Variants in STK3 observed in about 807,000 individuals in gnomAD.
The protein encoded by STK3 is serine/threonine kinase 3, also known as serine/threonine-protein kinase 3.
Under a neutral mutation model 58.0 loss-of-function variants are expected in STK3, and 41 were observed. The observed-to-expected ratio is 0.71, with a 90% CI of 0.55 to 0.92. The LOEUF (loss-of-function observed/expected upper bound fraction) is 0.92. Ranked by LOEUF, STK3 falls within the 40% of genes least tolerant of loss-of-function variation. The pLI is 0.00. For missense variants in STK3, 479 were observed against 602.7 expected (o/e 0.79, Z 2.15); for synonymous variants, 170 against 191.0 (o/e 0.89, Z 0.91).
At chr8:98,655,993 C>T (rs1489323422) in intron 6 of STK3, among the ~76,000 whole-genome samples, 1 of 152,028 alleles carries the variant, frequency 6.6e-6, no homozygotes, top group Non-Finnish European at 1.5e-5. Flanking sequence ...GGGTATATAC[C>T]CAAAGGACTA....
rs374874219 is a variant in STK3 at position 98,527,626 on chromosome 8, A to G, written c.1142-709T>C. On this transcript the variant is annotated intron_variant, in intron 9 of 10. Transcript: ENST00000419617. Reference sequence around the variant, plus strand: ...CAGAGCAAGACCCTGTTCAAATTAAAAAATATATATATATGAAATACATAA... The same window carrying G: ...CAGAGCAAGACCCTGTTCAAATTAAGAAATATATATATATGAAATACATAA... 2.6e-5 allele frequency among the ~76,000 whole-genome samples: 4 copies of G among 152,122 alleles called. No individual in the cohort carries two copies. The East Asian group carries it at 5.8e-4, about 22-fold the overall frequency.
chr8:98,378,033 C>T (rs1817692647), intron 2 of STK3, among the ~76,000 whole-genome samples: 1 of 152,190 alleles, frequency 6.6e-6, no homozygotes, highest in South Asian at 2.1e-4. Flanking sequence ...GTGCCACATA[C>T]AGTCATATCT....
the STK3 span, among the ~76,000 whole-genome samples, chr8:98,348,253 T>C: frequency 2.0e-5 from 3 of 152,184 alleles, no homozygotes; most frequent in Non-Finnish European, 4.4e-5. Context: ...TCACAAACAG[T>C]AGCTCAAAAT....
intron 6 of STK3, among the ~76,000 whole-genome samples, chr8:98,614,686 G>A (rs1410814458): frequency 6.6e-6 from 1 of 152,228 alleles, no homozygotes; most frequent in Non-Finnish European, 1.5e-5. Flanking sequence ...CCGAGTCAAA[G>A]AAAGGGGTGA....
downstream of STK3, among the ~76,000 whole-genome samples, chr8:98,400,330 C>A (rs1817930688): frequency 6.6e-6 from 1 of 152,250 alleles, no homozygotes; most frequent in Non-Finnish European, 1.5e-5. Context: ...AACAGATTCC[C>A]AGGCCCCAAG....
chr8:98,379,804 C>A (rs1817713367), intron 1 of STK3, among the ~76,000 whole-genome samples: 3 of 152,144 alleles, frequency 2.0e-5, no homozygotes, highest in Admixed American at 1.3e-4. Flanking sequence ...GGGTATTTAT[C>A]CAAAAGAATT....
At chr8:98,656,398 A>G (rs1821527712) in intron 6 of STK3, among the ~76,000 whole-genome samples, 1 of 152,086 alleles carries the variant, frequency 6.6e-6, no homozygotes, top group African/African-American at 2.4e-5. Flanking sequence ...TGACGAGTTA[A>G]TGGGTGCAGC....
intron 10 of STK3, among the ~76,000 whole-genome samples, chr8:98,506,777 T>G (rs1488380948): frequency 6.6e-6 from 1 of 152,134 alleles, no homozygotes. Flanking sequence ...CTCCAGATAC[T>G]GAAAAGTAAA....
At chr8:98,702,122 G>T (rs1260978703) in intron 6 of STK3, among the ~76,000 whole-genome samples, 1 of 152,102 alleles carries the variant, frequency 6.6e-6, no homozygotes, top group Non-Finnish European at 1.5e-5. Flanking sequence ...AAAGTTGTAT[G>T]GAAACTAACA....
intron 1 of STK3, among the ~76,000 whole-genome samples, chr8:98,812,803 G>T (rs147327499): frequency 3.3e-5 from 5 of 152,282 alleles, no homozygotes; most frequent in Admixed American, 6.5e-5. Context: ...AGCAAACACC[G>T]CATGTTCTCA....
chr8:98,353,281 C>T, the STK3 span, among the ~76,000 whole-genome samples: 1 of 152,010 alleles, frequency 6.6e-6, no homozygotes, highest in Non-Finnish European at 1.5e-5. Context: ...CAAGATCAAC[C>T]TGGGCAACAT....
chr8:98,854,290 C>G (rs545778106), intron 3 of STK3, among the ~76,000 whole-genome samples: 2 of 152,124 alleles, frequency 1.3e-5, no homozygotes, highest in South Asian at 4.2e-4. Flanking sequence ...AGGTGCCCAC[C>G]ACAATGTCCA....
At chr8:98,605,294 G>C (rs1437416481) in intron 6 of STK3, among the ~76,000 whole-genome samples, 1 of 152,184 alleles carries the variant, frequency 6.6e-6, no homozygotes, top group African/African-American at 2.4e-5. Context: ...AAATATCTGA[G>C]ACTGGGTAAT....
At chr8:98,587,724 T>C (rs1396854853) in intron 7 of STK3, among the ~76,000 whole-genome samples, 2 of 152,118 alleles carry the variant, frequency 1.3e-5, no homozygotes, top group African/African-American at 2.4e-5. Flanking sequence ...TATTAATGTG[T>C]GGGAGTCTAA....
Position 98,548,116 on chromosome 8 carries a change from CCA to C in STK3, c.992_993del (p.Val331GlyfsTer14). 6.3e-7 allele frequency: 1 copy of C among 1,597,896 alleles called. No homozygotes were observed. Among genetic ancestry groups the C allele is most frequent in the South Asian group, 1.1e-5 (1 of 87,794 alleles). On this transcript the variant is annotated frameshift_variant, in exon 9 of 11. Coordinates refer to ENST00000419617, the MANE Select transcript of STK3 (RefSeq NM_006281.4). LOFTEE classifies it high-confidence loss of function. ...GTGGCCCGCATGGTGCCCACACTCT[CCA>C]CACTAGTCTTCACCATGGTGTGGGA... ...LDSHTMVKTS[V>X]ESVGTMRATS... is the part of the protein sequence containing the mutation.
intron 6 of STK3, among the ~76,000 whole-genome samples, chr8:98,657,185 A>C (rs1379458831): frequency 6.6e-6 from 1 of 152,094 alleles, no homozygotes; most frequent in East Asian, 1.9e-4. Flanking sequence ...TGATTTTGAC[A>C]ATAATGGCCA....
chr8:98,824,494 C>T (rs1278316977), intron 1 of STK3, among the ~76,000 whole-genome samples: 1 of 152,186 alleles, frequency 6.6e-6, no homozygotes, highest in Non-Finnish European at 1.5e-5. Context: ...TGTATTAAAA[C>T]GGTGCCCAAT....
the STK3 span, among the ~76,000 whole-genome samples, chr8:98,345,974 G>T: frequency 2.6e-5 from 4 of 152,124 alleles, no homozygotes; most frequent in East Asian, 1.9e-4. Context: ...GCAGAGAGAA[G>T]AAATAGTTTC....
intron 8 of STK3, among the ~76,000 whole-genome samples, chr8:98,562,937 A>G (rs1484756720): frequency 3.3e-5 from 5 of 151,392 alleles, no homozygotes; most frequent in Non-Finnish European, 5.9e-5. Context: ...AATAACAAAA[A>G]GAGTGAACCC....
Sources: gnomAD v4.1 joint callset for allele counts (sites outside exome capture counted in the v4.1 genomes callset) on GRCh38, gnomAD v4.1.1 for gene constraint, MANE v1.5 for transcripts, NCBI Gene and HGNC (gene_info 2026-07-23, HGNC 2026-07-21) for gene names.